ATP9B: variants seen among roughly 807,000 people sequenced by gnomAD.
The protein encoded by ATP9B is probable phospholipid-transporting ATPase IIB.
ATP9B carries 110 observed loss-of-function variants against 146.1 expected under a neutral mutation model. The ratio of observed to expected loss-of-function variants is 0.75; its 90% CI spans 0.65 to 0.88. The LOEUF is 0.88. ATP9B is among the 40% of genes least tolerant of loss of function. The probability of loss-of-function intolerance (pLI) is 0.00; values close to 1 mark genes in which losing one functional copy is unlikely to be tolerated. For synonymous variants in ATP9B, 604 were observed against 569.7 expected (o/e 1.06, Z -0.86); for missense variants, 1,499 against 1,496.4 (o/e 1.00, Z -0.03).
intron 29 of ATP9B, chr18:79,375,777 T>C: frequency 1.0e-6 from 1 of 985,410 alleles, no homozygotes; most frequent in African/African-American, 1.7e-5. Flanking sequence ...CACACAAACT[T>C]AGGAATTCCC....
chr18:79,232,642 G>A (rs1268338471), intron 11 of ATP9B, among the ~76,000 whole-genome samples: 1 of 152,218 alleles, frequency 6.6e-6, no homozygotes, highest in Non-Finnish European at 1.5e-5. Context: ...AAGCATCATA[G>A]CCAGACTCAG....
At chr18:79,341,922 C>T (rs1370237226) in intron 19 of ATP9B, among the ~76,000 whole-genome samples, 1 of 152,220 alleles carries the variant, frequency 6.6e-6, no homozygotes, top group African/African-American at 2.4e-5. Context: ...ATTCCCCTTC[C>T]CCTAAACCCT....
At chr18:79,213,216 T>A (rs1035452223) in intron 10 of ATP9B, among the ~76,000 whole-genome samples, 1 of 152,126 alleles carries the variant, frequency 6.6e-6, no homozygotes, top group Non-Finnish European at 1.5e-5. Flanking sequence ...TTACAAAAAA[T>A]TAAGGATGAA....
intron 19 of ATP9B, among the ~76,000 whole-genome samples, chr18:79,339,516 AGT>A (rs2096846651): frequency 6.6e-6 from 1 of 151,142 alleles, no homozygotes; most frequent in Admixed American, 6.6e-5. Flanking sequence ...CGTAGTAGGA[AGT>A]GTGTCAGGAG....
intron 3 of ATP9B, among the ~76,000 whole-genome samples, chr18:79,110,833 A>G (rs1318096231): frequency 6.6e-6 from 1 of 152,206 alleles, no homozygotes; most frequent in Non-Finnish European, 1.5e-5. Context: ...AACAAGTTAT[A>G]CGTTTTGTTT....
At chr18:79,323,183 C>T (rs1331972442) in intron 15 of ATP9B, among the ~76,000 whole-genome samples, 1 of 151,446 alleles carries the variant, frequency 6.6e-6, no homozygotes, top group South Asian at 2.1e-4. Context: ...TTTATCGTTG[C>T]TTCGCGTTAG....
rs138563880 is a variant in ATP9B at position 79,108,221 on chromosome 18, G to A, written c.294-2134G>A. 1.0e-3 allele frequency among the ~76,000 whole-genome samples: 154 copies of A among 152,286 alleles called. 1 individual carries two copies. The highest frequency in any genetic ancestry group is 3.6e-3 in the African/African-American group (149 of 41,568). On this transcript the variant is annotated intron_variant, in intron 2 of 29. Coordinates refer to ENST00000426216, the MANE Select transcript of ATP9B (RefSeq NM_198531.5). ...TGGAGGGAAGGAGGCATGTGAGAGT[G>A]TTCGAGATGGACAGTACAAGCAAGA...
intron 4 of ATP9B, among the ~76,000 whole-genome samples, chr18:79,122,597 A>G (rs1599716534): frequency 6.6e-6 from 1 of 152,318 alleles, no homozygotes; most frequent in South Asian, 2.1e-4. Flanking sequence ...CTGTGATCCT[A>G]TAATTTTTCC....
chr18:79,154,551 A>T lies in ATP9B; in HGVS notation c.774A>T (p.Lys258Asn). 6.6e-7 allele frequency: 1 copy of T among 1,526,258 alleles called. No individual in the cohort carries two copies. The highest frequency in any genetic ancestry group is 8.7e-7 in the Non-Finnish European group (1 of 1,143,764). The allele number at this position is 1,526,258 out of a possible 1,614,324, so 94.5% of individuals were successfully genotyped here. A position where few individuals can be genotyped will look rare whatever the true frequency, so the allele number is the denominator to read the frequency against. ...TGGTGTTTCTTAGGACTTCAGAAAA[A>T]GCAGGTATTTTTACATTTAAAAAAA... ...SDMVFLRTSE[K>N]AGSCFIRTDQ... Residue 258 changes from lysine to asparagine, a missense_variant, in exon 7 of 30, where the codon AAA (lysine) becomes AAT (asparagine). Transcript: ENST00000426216.
intron 11 of ATP9B, among the ~76,000 whole-genome samples, chr18:79,216,656 T>TC (rs1215999879): frequency 6.6e-6 from 1 of 152,208 alleles, no homozygotes. Context: ...TAGAAATTCT[T>TC]CCAGTTTCCG....
At chr18:79,098,262 C>T (rs2074975474) in intron 2 of ATP9B, among the ~76,000 whole-genome samples, 1 of 151,704 alleles carries the variant, frequency 6.6e-6, no homozygotes, top group Non-Finnish European at 1.5e-5. Context: ...AACGTTAGAC[C>T]TAAAACCATA....
chr18:79,345,249 C>T (rs1223765980), intron 21 of ATP9B, among the ~76,000 whole-genome samples, 179 bp from the exon 22 acceptor site: 3 of 152,102 alleles, frequency 2.0e-5, no homozygotes, highest in Non-Finnish European at 4.4e-5. Context: ...AATTTCTTCC[C>T]ATGATTTTTT....
intron 13 of ATP9B, among the ~76,000 whole-genome samples, chr18:79,290,875 A>G (rs11081527): frequency 0.41 from 62,422 of 152,028 alleles, 13,154 homozygotes; most frequent in East Asian, 0.7. Context: ...TTATTGCTCT[A>G]GGTGCGTGGC....
intron 19 of ATP9B, among the ~76,000 whole-genome samples, chr18:79,339,715 G>A (rs919050274): frequency 4.6e-5 from 7 of 151,502 alleles, no homozygotes; most frequent in African/African-American, 7.3e-5. Flanking sequence ...ATTGCAGTAG[G>A]AAGTGTGTCA....
intron 15 of ATP9B, among the ~76,000 whole-genome samples, chr18:79,325,275 C>T (rs1468428537): frequency 6.6e-6 from 1 of 152,064 alleles, no homozygotes; most frequent in East Asian, 1.9e-4. Context: ...TCTGACTCTC[C>T]CATCTCTTAT....
At chr18:79,211,615 A>AT (rs2095584978) in intron 10 of ATP9B, among the ~76,000 whole-genome samples, 1 of 152,226 alleles carries the variant, frequency 6.6e-6, no homozygotes, top group African/African-American at 2.4e-5. Context: ...GTGTGCAGTT[A>AT]TGGATCAGGC....
chr18:79,262,245 C>G (rs923590669), intron 12 of ATP9B, among the ~76,000 whole-genome samples: 5 of 151,704 alleles, frequency 3.3e-5, no homozygotes. Flanking sequence ...CCTAAACATT[C>G]AAGTTTGTTT....
At position 79,151,048 on chromosome 18, in the gene ATP9B, C is replaced by A. The variant is rs79906952; in HGVS notation, c.727-3456C>A. Among the ~76,000 whole-genome samples, 469 of 152,306 alleles carry A rather than the reference C, an allele frequency of 3.1e-3. 6 individuals are homozygous for A. Among genetic ancestry groups the A allele is most frequent in the African/African-American group, 0.011 (442 of 41,556 alleles). On this transcript the variant is annotated intron_variant, in intron 6 of 29. Coordinates refer to ENST00000426216, the MANE Select transcript of ATP9B (RefSeq NM_198531.5). ...TTGATCTGTAGATTCAGTGTTACCCCTCTCAAAATCCCAGTTGATGTCTTT... is the reference window on the plus strand; with the variant it reads ...TTGATCTGTAGATTCAGTGTTACCCATCTCAAAATCCCAGTTGATGTCTTT...
At chr18:79,376,696 CTT>C (rs35556122) in intron 29 of ATP9B, among the ~76,000 whole-genome samples, 22 of 129,226 alleles carry the variant, frequency 1.7e-4, no homozygotes, top group Admixed American at 2.4e-4. Flanking sequence ...GGCCTACAAC[CTT>C]TTTTTTTTTT....
Sources: gnomAD v4.1 joint callset for allele counts (sites outside exome capture counted in the v4.1 genomes callset) on GRCh38, gnomAD v4.1.1 for gene constraint, MANE v1.5 for transcripts, NCBI Gene and HGNC (gene_info 2026-07-23, HGNC 2026-07-21) for gene names.